CDK5RAP1: variants seen among roughly 807,000 people sequenced by gnomAD.
The protein encoded by CDK5RAP1 is mitochondrial tRNA methylthiotransferase CDK5RAP1.
Under a neutral mutation model 64.5 loss-of-function variants are expected in CDK5RAP1, and 62 were observed. That is an observed-to-expected ratio of 0.96 (90% CI 0.78 to 1.19). The LOEUF is 1.19. CDK5RAP1 is among the 50% of genes most tolerant of loss of function. The pLI, the probability that CDK5RAP1 is intolerant of heterozygous loss-of-function variation, is 0.00. For synonymous variants in CDK5RAP1, 250 were observed against 261.9 expected, an observed-to-expected ratio of 0.95 and a Z score of 0.44; for missense variants, 657 against 735.0, an observed-to-expected ratio of 0.89 and a Z score of 1.23.
chr20:33,398,418 C>T (rs905686446), intron 1 of CDK5RAP1, among the ~76,000 whole-genome samples: 2 of 152,164 alleles, frequency 1.3e-5, no homozygotes, highest in Non-Finnish European at 2.9e-5. Context: ...CTCTTGAGCT[C>T]AGGAGGAGAA....
At chr20:33,368,818 C>G (rs1984489149) in intron 11 of CDK5RAP1, among the ~76,000 whole-genome samples, 1 of 151,496 alleles carries the variant, frequency 6.6e-6, no homozygotes, top group Admixed American at 6.6e-5. Context: ...TTGTGGTGAG[C>G]TGAGATCGTG....
intron 3 of CDK5RAP1, among the ~76,000 whole-genome samples, chr20:33,394,521 GC>G (rs1988697658): frequency 7.0e-6 from 1 of 143,646 alleles, no homozygotes; most frequent in South Asian, 2.2e-4. Flanking sequence ...TCGCTCACTT[GC>G]CCAGGCTGAA....
intron 11 of CDK5RAP1, among the ~76,000 whole-genome samples, chr20:33,369,240 T>C (rs1984578876): frequency 6.6e-6 from 1 of 151,918 alleles, no homozygotes; most frequent in African/African-American, 2.4e-5. Context: ...TCCCAGCACT[T>C]TGGGAGGCCG....
chr20:33,391,596 C>T (rs796757920), intron 5 of CDK5RAP1, among the ~76,000 whole-genome samples: 1 of 151,832 alleles, frequency 6.6e-6, no homozygotes, highest in Non-Finnish European at 1.5e-5. Flanking sequence ...CTGAGGCAGG[C>T]GGATCACCCG....
chr20:33,372,352 A>G (rs767185346), intron 10 of CDK5RAP1, among the ~76,000 whole-genome samples: 2 of 152,132 alleles, frequency 1.3e-5, no homozygotes, highest in Non-Finnish European at 2.9e-5. Context: ...CTTACAAGAT[A>G]AGATAAGGTC....
intron 2 of CDK5RAP1, 42 bp downstream of exon 2, chr20:33,396,719 G>A (rs1478381645): frequency 1.4e-6 from 2 of 1,414,774 alleles, no homozygotes; most frequent in East Asian, 2.3e-5. Flanking sequence ...ACAGAGAGGA[G>A]CAAGGCAGGA....
chr20:33,389,287 G>T (rs1373207449), intron 5 of CDK5RAP1, among the ~76,000 whole-genome samples: 4 of 152,126 alleles, frequency 2.6e-5, no homozygotes, highest in Non-Finnish European at 5.9e-5. Context: ...CCCCGTCTGG[G>T]AGGTGAGGAG....
chr20:33,367,692 T>A (rs961458581), intron 11 of CDK5RAP1, among the ~76,000 whole-genome samples: 15 of 152,232 alleles, frequency 9.9e-5, no homozygotes, highest in Non-Finnish European at 1.2e-4. Context: ...ACCTTTTGAA[T>A]TTTATTCAAG....
At chr20:33,375,990 T>C (rs1454661989) in intron 8 of CDK5RAP1, among the ~76,000 whole-genome samples, 1 of 152,172 alleles carries the variant, frequency 6.6e-6, no homozygotes, top group Non-Finnish European at 1.5e-5. Flanking sequence ...CCCAAGTAAC[T>C]ACGACTACAG....
chr20:33,379,498 C>T lies in CDK5RAP1; in HGVS notation c.1070G>A (p.Arg357His), dbSNP rs745597149. The change falls in exon 8 of 14, where the codon CGT becomes CAT. Residue 357 changes from arginine (R) to histidine (H), a missense_variant. By Grantham distance (29) the Arg-to-His change is conservative (BLOSUM62 0). Coordinates refer to ENST00000346416, the MANE Select transcript of CDK5RAP1 (RefSeq NM_016408.4). ...VSRVDPEMRI[R>H]FTSPHPKDFP... ...ATCCTTGGGGTGGGGAGAGGTAAAACGGATCCTCATTTCAGGATCTACTCT... is the reference window on the plus strand; with the variant it reads ...ATCCTTGGGGTGGGGAGAGGTAAAATGGATCCTCATTTCAGGATCTACTCT... 9.9e-6 allele frequency: 16 copies of T among 1,613,714 alleles called. No homozygotes were observed. The highest frequency in any genetic ancestry group is 4.5e-5 in the East Asian group (2 of 44,894).
chr20:33,377,555 G>A (rs1164765291), intron 8 of CDK5RAP1, among the ~76,000 whole-genome samples: 1 of 152,210 alleles, frequency 6.6e-6, no homozygotes, highest in Non-Finnish European at 1.5e-5. Context: ...TTGGCTTAAG[G>A]AAGTGCTGCG....
chr20:33,365,131 C>T (rs912763472), intron 12 of CDK5RAP1, among the ~76,000 whole-genome samples: 29 of 151,984 alleles, frequency 1.9e-4, no homozygotes, highest in Admixed American at 1.5e-3. Context: ...CCTGGGCTCA[C>T]GCAATCCTCC....
In CDK5RAP1 at chr20:33,367,092, T is replaced by C. The variant is rs551222264; in HGVS notation, c.1393-84A>G. On this transcript the variant is annotated intron_variant, in intron 11 of 13. Coordinates refer to ENST00000346416, the MANE Select transcript of CDK5RAP1 (RefSeq NM_016408.4). The stretch of plus-strand genomic sequence containing the variant: ...TCTTAATGCACAGAGGGCGACCATG[T>C]TCATTCTACCTACAAGTAACAGACA... The C allele has an allele frequency of 2.5e-5, 33 of 1,326,530 alleles. No homozygotes were observed. The East Asian group carries it at 7.5e-4, about 30-fold the overall frequency. The allele number at this position is 1,326,530 out of a possible 1,614,324, so 82.2% of individuals were successfully genotyped here.
intron 8 of CDK5RAP1, among the ~76,000 whole-genome samples, chr20:33,375,540 T>G (rs1985856221): frequency 6.6e-6 from 1 of 151,836 alleles, no homozygotes; most frequent in Non-Finnish European, 1.5e-5. Flanking sequence ...TACAACTCAA[T>G]AAGAAGACAA....
chr20:33,397,884 C>G (rs567033781), intron 1 of CDK5RAP1, among the ~76,000 whole-genome samples: 1 of 152,202 alleles, frequency 6.6e-6, no homozygotes, highest in East Asian at 1.9e-4. Context: ...CCCAACTACT[C>G]AGGAGGCTGA....
At chr20:33,401,038 C>T (rs1015499195) in intron 1 of CDK5RAP1, among the ~76,000 whole-genome samples, 6 of 152,210 alleles carry the variant, frequency 3.9e-5, no homozygotes, top group African/African-American at 1.4e-4. Context: ...TTCTGACAGT[C>T]GGCAATGAGG....
At chr20:33,394,255 G>C (rs2146718373) in intron 3 of CDK5RAP1, among the ~76,000 whole-genome samples, 189 bp from the exon 4 acceptor site, 1 of 150,886 alleles carries the variant, frequency 6.6e-6, no homozygotes, top group South Asian at 2.1e-4. Flanking sequence ...CACCTCCCGA[G>C]CGGTTCAAGC....
At position 33,395,085 on chromosome 20, in the gene CDK5RAP1, A is replaced by T; in HGVS notation, c.336T>A (p.Asn112Lys). The T allele has an allele frequency of 6.2e-7, 1 of 1,613,662 alleles. No homozygotes were observed. The stretch of plus-strand genomic sequence containing the variant: ...ACCAGGCTATCTCTGTGTCATTCAC[A>T]TTCATCTGGCAGCCATAGGTCTCGA... Reference protein sequence around the residue: ...VYLETYGCQMNVNDTEIAWSI... With the variant: ...VYLETYGCQMKVNDTEIAWSI... The change falls in exon 3 of 14, where the codon AAT (asparagine) becomes AAA (lysine). Residue 112 changes from asparagine to lysine, a missense_variant. Transcript: ENST00000346416.
intron 6 of CDK5RAP1, among the ~76,000 whole-genome samples, chr20:33,386,169 T>G (rs1450237541): frequency 6.6e-6 from 1 of 152,196 alleles, no homozygotes; most frequent in Non-Finnish European, 1.5e-5. Context: ...GTTCAAGTGA[T>G]TCTCCTGCCT....
Sources: allele counts gnomAD v4.1 joint callset (sites outside exome capture counted in the v4.1 genomes callset), GRCh38; gene constraint gnomAD v4.1.1; transcripts MANE v1.5; gene names NCBI Gene and HGNC (gene_info 2026-07-23, HGNC 2026-07-21).